OR56A4: variants seen among roughly 807,000 people sequenced by gnomAD.
OR56A4 encodes the protein olfactory receptor family 56 subfamily A member 4.
In OR56A4, 9 loss-of-function variants were observed where a neutral mutation model predicts 13.6. The ratio of observed to expected loss-of-function variants is 0.66; its 90% CI spans 0.40 to 1.15. The LOEUF (loss-of-function observed/expected upper bound fraction) is 1.15, where lower values mean the gene tolerates loss of function less well. Ranked by LOEUF, OR56A4 falls within the 50% of genes most tolerant of loss-of-function variation. The pLI, the probability that OR56A4 is intolerant of heterozygous loss-of-function variation, is 0.01. For synonymous variants in OR56A4, 167 were observed against 153.9 expected, an observed-to-expected ratio of 1.08 and a Z score of -0.63; for missense variants, 380 against 375.9, an observed-to-expected ratio of 1.01 and a Z score of -0.09.
At chr11:6,005,729 C>T (rs188036702) in intron 2 of OR56A4, among the ~76,000 whole-genome samples, 1 of 152,304 alleles carries the variant, frequency 6.6e-6, no homozygotes, top group Admixed American at 6.5e-5. Context: ...GAGGTGGCAC[C>T]TTCTCATTGT....
rs1848229046 is a variant in OR56A4, at chr11:6,002,966, A to T, written c.27T>A (p.Thr9=). ...TGAGGAGGAATTCAGAGACTGGGGC[A>T]GTGGAGTCATTGCTGGGAGATGCCA... MASPSNDS[T]APVSEFLLIC... is the part of the protein sequence containing the mutation. The change falls in exon 3 of 3, where the codon ACT becomes ACA. Residue 9 remains threonine, a synonymous_variant. Coordinates refer to ENST00000641156, the MANE Select transcript of OR56A4 (RefSeq NM_001005179.4). 6.2e-7 allele frequency: 1 copy of T among 1,613,956 alleles called. No individual in the cohort carries two copies. Among genetic ancestry groups the T allele is most frequent in the Admixed American group, 1.7e-5 (1 of 60,000 alleles).
chr11:6,006,644 C>T (rs1848261616), intron 1 of OR56A4, among the ~76,000 whole-genome samples: 1 of 152,162 alleles, frequency 6.6e-6, no homozygotes, highest in South Asian at 2.1e-4. Flanking sequence ...AGAGCCTTGA[C>T]CTCATAGCTA....
At position 6,002,136 on chromosome 11, in the gene OR56A4, A is replaced by G. The variant is rs754119173; in HGVS notation, c.857T>C (p.Ile286Thr). The G allele has an allele frequency of 1.6e-5, 26 of 1,613,940 alleles. No individual in the cohort carries two copies. The highest frequency in any genetic ancestry group is 3.3e-5 in the Admixed American group (2 of 60,002). The part of the protein sequence containing the change: ...PILLNILHHL[I>T]PPALNPIVYG... ...AACAATGGGGTTCAGAGCTGGGGGA[A>G]TGAGGTGGTGCAGGATGTTGAGCAG... The change falls in exon 3 of 3, where the codon ATT becomes ACT. Residue 286 changes from isoleucine to threonine, a missense_variant. Coordinates refer to ENST00000641156, the MANE Select transcript of OR56A4 (RefSeq NM_001005179.4).
rs771939505 is a variant in OR56A4 at position 6,002,179 on chromosome 11, G to A, written c.814C>T (p.Pro272Ser). 1.1e-5 allele frequency: 18 copies of A among 1,614,204 alleles called. No homozygotes were observed. Among genetic ancestry groups the A allele is most frequent in the Non-Finnish European group, 1.4e-5 (17 of 1,180,040 alleles). Residue 272 changes from proline to serine, a missense_variant, in exon 3 of 3, where the codon CCT becomes TCT. By Grantham distance (74) the Pro-to-Ser change is moderately conservative. Coordinates refer to ENST00000641156, the MANE Select transcript of OR56A4 (RefSeq NM_001005179.4). ...VITNLARKRIPPDVPILLNIL... is the reference protein window; with the variant it reads ...VITNLARKRISPDVPILLNIL... Reference sequence around the variant, plus strand: ...TTGAGCAGGATGGGGACATCTGGAGGAATTCTCTTCCTGGCCAGGTTAGTG... The same window carrying A: ...TTGAGCAGGATGGGGACATCTGGAGAAATTCTCTTCCTGGCCAGGTTAGTG...
intron 2 of OR56A4, among the ~76,000 whole-genome samples, chr11:6,005,327 C>CA (rs902198148): frequency 3.3e-5 from 5 of 152,120 alleles, no homozygotes; most frequent in South Asian, 2.1e-4. Flanking sequence ...AAGGTAAGAA[C>CA]AAAAAAACCT....
Position 6,000,274 on chromosome 11 carries a change from T to C in OR56A4, c.*1777A>G, listed in dbSNP as rs995842128. On this transcript the variant is annotated 3_prime_UTR_variant, in exon 3 of 3. Transcript: ENST00000641156. ...GTGGCACATCTACACCATGGAATAC[T>C]ATGCAGCCATAAAAAATGATGAGTT... is the stretch of plus-strand genomic sequence containing the variant. 4 of 152,348 alleles carry C rather than the reference T, an allele frequency of 2.6e-5. No homozygotes were observed. The highest frequency in any genetic ancestry group is 2.6e-4 in the Admixed American group (4 of 15,310). 9.4% of individuals were successfully genotyped at this position (152,348 alleles called of 1,614,324 possible).
chr11:6,003,283 A>G, intron 2 of OR56A4: 1 of 552,392 alleles, frequency 1.8e-6, no homozygotes, highest in Non-Finnish European at 3.0e-6. Flanking sequence ...AATAAAATAG[A>G]GATAAGGGAA....
rs941794994 is a variant in OR56A4, at chr11:6,000,545, A to G, written c.*1506T>C. On this transcript the variant is annotated 3_prime_UTR_variant, in exon 3 of 3. Coordinates refer to ENST00000641156, the MANE Select transcript of OR56A4 (RefSeq NM_001005179.4). ...GAGTTAATGGGTGCAGCACGCCAACATGGCACATGTATACATATGTAACAA... is the reference window on the plus strand; with the variant it reads ...GAGTTAATGGGTGCAGCACGCCAACGTGGCACATGTATACATATGTAACAA... The G allele has an allele frequency of 1.3e-5, 2 of 152,196 alleles. No individual in the cohort carries two copies. Among genetic ancestry groups the G allele is most frequent in the African/African-American group, 4.8e-5 (2 of 41,434 alleles). 9.4% of individuals were successfully genotyped at this position (152,196 alleles called of 1,614,324 possible).
chr11:6,004,110 T>C (rs538456988), intron 2 of OR56A4, among the ~76,000 whole-genome samples: 1 of 152,126 alleles, frequency 6.6e-6, no homozygotes, highest in South Asian at 2.1e-4. Context: ...GAGACTAGCT[T>C]TGGGAGGCCA....
rs1163645042 is a variant in OR56A4 at position 6,000,109 on chromosome 11, C to G, written c.*1942G>C. The G allele has an allele frequency of 6.6e-6, 1 of 152,216 alleles. No homozygotes were observed. Among genetic ancestry groups the G allele is most frequent in the Non-Finnish European group, 1.5e-5 (1 of 68,038 alleles). 9.4% of individuals were successfully genotyped at this position (152,216 alleles called of 1,614,324 possible). A position where few individuals can be genotyped will look rare whatever the true frequency, so the allele number is the denominator to read the frequency against. ...ACCATTTGACCCAGCCATCCCATTA[C>G]TGGGTACATACCCAAAGGATTATAA... is the stretch of plus-strand genomic sequence containing the variant. On this transcript the variant is annotated 3_prime_UTR_variant, in exon 3 of 3. Transcript: ENST00000641156.
At chr11:6,006,204 A>G (rs1278546702) in intron 2 of OR56A4, 45 bp downstream of exon 2, 1 of 152,198 alleles carries the variant, frequency 6.6e-6, no homozygotes, top group Non-Finnish European at 1.5e-5. Context: ...GCACTGATAG[A>G]TTCTTCCAGG....
At chr11:6,005,190 AG>A (rs1368745660) in intron 2 of OR56A4, among the ~76,000 whole-genome samples, 2 of 152,116 alleles carry the variant, frequency 1.3e-5, no homozygotes, top group Admixed American at 6.5e-5. Flanking sequence ...TTATTGTGGG[AG>A]GGGAAAGGGG....
At position 6,002,552 on chromosome 11, in the gene OR56A4, G is replaced by T. The variant is rs114705293; in HGVS notation, c.441C>A (p.Ala147=). ...SIITDQFVAR[A]VVFVIARNAF... is the part of the protein sequence containing the mutation. ...CATTCCGGGCTATAACAAAGACCAC[G>T]GCCCTAGCCACAAACTGGTCAGTGA... The change falls in exon 3 of 3, where the codon GCC becomes GCA. Residue 147 remains alanine, a synonymous_variant. Coordinates refer to ENST00000641156, the MANE Select transcript of OR56A4 (RefSeq NM_001005179.4). The T allele has an allele frequency of 1.2e-6, 2 of 1,614,232 alleles. No homozygotes were observed. Among genetic ancestry groups the T allele is most frequent in the East Asian group, 2.2e-5 (1 of 44,886 alleles).
chr11:6,002,588 G>A lies in OR56A4; in HGVS notation c.405C>T (p.Tyr135=), dbSNP rs10839221. 0.27 allele frequency: 436,530 copies of A among 1,613,924 alleles called. 61,839 individuals are homozygous for A. Among genetic ancestry groups the A allele is most frequent in the Middle Eastern group, 0.3 (1,811 of 6,062 alleles). Residue 135 remains tyrosine, a synonymous_variant, in exon 3 of 3, where the codon TAC becomes TAT. Coordinates refer to ENST00000641156, the MANE Select transcript of OR56A4 (RefSeq NM_001005179.4). ...CAAACTGGTCAGTGATGATAGACGG[G>A]TATCTCAATGGATGGCAGATGGCCA... ...RYVAICHPLR[Y]PSIITDQFVA...
rs1480726063 is a variant in OR56A4 at position 6,002,163 on chromosome 11, A to T, written c.830T>A (p.Ile277Asn). The T allele has an allele frequency of 6.2e-7, 1 of 1,614,054 alleles. No homozygotes were observed. Among genetic ancestry groups the T allele is most frequent in the Non-Finnish European group, 8.5e-7 (1 of 1,180,032 alleles). ...ARKRIPPDVP[I>N]LLNILHHLIP... is the part of the protein sequence containing the mutation. ...GAGGTGGTGCAGGATGTTGAGCAGG[A>T]TGGGGACATCTGGAGGAATTCTCTT... is the stretch of plus-strand genomic sequence containing the variant. Residue 277 changes from isoleucine to asparagine, a missense_variant, in exon 3 of 3, where the codon ATC (isoleucine) becomes AAC (asparagine). Physicochemically the swap from Ile to Asn is moderately radical, Grantham distance 149. Coordinates refer to ENST00000641156, the MANE Select transcript of OR56A4 (RefSeq NM_001005179.4).
At chr11:6,005,400 C>A (rs777427136) in intron 2 of OR56A4, among the ~76,000 whole-genome samples, 1 of 152,148 alleles carries the variant, frequency 6.6e-6, no homozygotes, top group East Asian at 1.9e-4. Context: ...ATCCCAAGTT[C>A]TTTGGGGAAA....
chr11:6,004,185 C>T (rs1369348405), intron 2 of OR56A4, among the ~76,000 whole-genome samples: 2 of 152,084 alleles, frequency 1.3e-5, no homozygotes, highest in African/African-American at 4.8e-5. Flanking sequence ...AACCTCGTCT[C>T]TATTAAAAAT....
At chr11:6,003,683 T>C (rs986595751) in intron 2 of OR56A4, among the ~76,000 whole-genome samples, 2 of 152,172 alleles carry the variant, frequency 1.3e-5, no homozygotes, top group Admixed American at 6.5e-5. Flanking sequence ...ACACAGACAG[T>C]GGCCCCCACC....
rs536330010 is a variant in OR56A4 at position 5,999,894 on chromosome 11, G to C, written c.*2157C>G. ...AGATGCAAGAATAATGATTCCAGTCGGGAGGATCAGGGAAGGAAGACCTAC... is the reference window on the plus strand; with the variant it reads ...AGATGCAAGAATAATGATTCCAGTCCGGAGGATCAGGGAAGGAAGACCTAC... On this transcript the variant is annotated 3_prime_UTR_variant, in exon 3 of 3. Coordinates refer to ENST00000641156, the MANE Select transcript of OR56A4 (RefSeq NM_001005179.4). The C allele has an allele frequency of 6.6e-6, 1 of 152,198 alleles. No individual in the cohort carries two copies. The highest frequency in any genetic ancestry group is 2.4e-5 in the African/African-American group (1 of 41,448). The allele number at this position is 152,198 out of a possible 1,614,324, so 9.4% of individuals were successfully genotyped here. A position where few individuals can be genotyped will look rare whatever the true frequency, so the allele number is the denominator to read the frequency against.
Sources: allele counts gnomAD v4.1 joint callset (sites outside exome capture counted in the v4.1 genomes callset), GRCh38; gene constraint gnomAD v4.1.1; transcripts MANE v1.5; gene names NCBI Gene and HGNC (gene_info 2026-07-23, HGNC 2026-07-21).